Variants in MBOAT1 observed in about 807,000 individuals in gnomAD.
The protein encoded by MBOAT1 is membrane bound glycerophospholipid O-acyltransferase 1, also known as membrane-bound glycerophospholipid O-acyltransferase 1.
Under a neutral mutation model 64.4 loss-of-function variants are expected in MBOAT1, and 67 were observed. That is an observed-to-expected ratio of 1.04 (90% CI 0.85 to 1.27). The LOEUF is 1.27. MBOAT1 is among the 50% of genes most tolerant of loss of function. MBOAT1 has a pLI of 0.00. For missense variants in MBOAT1, 563 were observed against 604.6 expected, an observed-to-expected ratio of 0.93 and a Z score of 0.72; for synonymous variants, 229 against 218.9, an observed-to-expected ratio of 1.05 and a Z score of -0.41.
At chr6:20,120,779 G>T (rs1249895754) in intron 8 of MBOAT1, among the ~76,000 whole-genome samples, 1 of 152,166 alleles carries the variant, frequency 6.6e-6, no homozygotes, top group Non-Finnish European at 1.5e-5. Flanking sequence ...GGAAAATGGT[G>T]AAAGGTTCCC....
intron 6 of MBOAT1, among the ~76,000 whole-genome samples, chr6:20,127,767 C>A (rs539313997): frequency 6.6e-6 from 1 of 152,042 alleles, no homozygotes; most frequent in Non-Finnish European, 1.5e-5. Flanking sequence ...TTATATATTA[C>A]GATGTAATAA....
intron 8 of MBOAT1, among the ~76,000 whole-genome samples, chr6:20,119,351 T>A (rs1760425823): frequency 6.6e-6 from 1 of 152,252 alleles, no homozygotes; most frequent in Non-Finnish European, 1.5e-5. Flanking sequence ...TCACTTTTTT[T>A]ATTATGATGA....
chr6:20,101,472 T>C lies in MBOAT1; in HGVS notation c.*814A>G, dbSNP rs568548028. ...TGAAACCATGATCCCTCTGCCTCCA[T>C]GGTCCTCTGAGTGTAGTTATTATGT... On this transcript the variant is annotated 3_prime_UTR_variant, in exon 13 of 13. Coordinates refer to ENST00000324607, the MANE Select transcript of MBOAT1 (RefSeq NM_001080480.3). Among the ~76,000 whole-genome samples, 1 of 152,332 alleles carries C rather than the reference T, an allele frequency of 6.6e-6. No homozygotes were observed. The highest frequency in any genetic ancestry group is 2.4e-5 in the African/African-American group (1 of 41,586).
intron 3 of MBOAT1, among the ~76,000 whole-genome samples, chr6:20,147,596 G>T (rs112926771): frequency 6.6e-6 from 1 of 150,698 alleles, no homozygotes; most frequent in Admixed American, 6.6e-5. Flanking sequence ...CCAAGATTGC[G>T]CCATCGCACT....
At chr6:20,104,046 T>A (rs183159087) in intron 12 of MBOAT1, among the ~76,000 whole-genome samples, 29 of 152,340 alleles carry the variant, frequency 1.9e-4, no homozygotes, top group Admixed American at 8.5e-4. Flanking sequence ...GTACCTTCTC[T>A]ATGTTTAGAT....
At chr6:20,105,893 T>C (rs955975942) in intron 12 of MBOAT1, among the ~76,000 whole-genome samples, 3 of 152,386 alleles carry the variant, frequency 2.0e-5, no homozygotes, top group Non-Finnish European at 4.4e-5. Context: ...AATGATTTCA[T>C]AGAAAGGTTC....
chr6:20,136,090 A>G (rs1438211224), intron 4 of MBOAT1, among the ~76,000 whole-genome samples: 1 of 152,116 alleles, frequency 6.6e-6, no homozygotes, highest in Non-Finnish European at 1.5e-5. Flanking sequence ...CTTCAGTGGA[A>G]TGCTCCCAAT....
intron 3 of MBOAT1, among the ~76,000 whole-genome samples, chr6:20,145,232 T>G: frequency 2.6e-5 from 1 of 39,018 alleles, no homozygotes; most frequent in South Asian, 9.7e-4. Flanking sequence ...CAGAGAGCAC[T>G]CACTTTGTGC....
At chr6:20,126,496 C>T in intron 7 of MBOAT1, 21 bp downstream of exon 7, 1 of 1,597,232 alleles carries the variant, frequency 6.3e-7, no homozygotes, top group East Asian at 2.2e-5. Flanking sequence ...AAACCCTATT[C>T]TCTAGACACT....
chr6:20,132,294 C>T (rs1760853865), intron 4 of MBOAT1, among the ~76,000 whole-genome samples: 1 of 152,200 alleles, frequency 6.6e-6, no homozygotes, highest in African/African-American at 2.4e-5. Flanking sequence ...TAGACAGATA[C>T]ACGGGCTCCT....
At chr6:20,120,397 T>A (rs536008714) in intron 8 of MBOAT1, among the ~76,000 whole-genome samples, 1 of 152,258 alleles carries the variant, frequency 6.6e-6, no homozygotes, top group Admixed American at 6.5e-5. Flanking sequence ...GCTAGAGATA[T>A]TAGGTAACCA....
intron 7 of MBOAT1, among the ~76,000 whole-genome samples, chr6:20,126,268 A>G (rs1400317556): frequency 1.3e-5 from 2 of 152,242 alleles, no homozygotes; most frequent in Non-Finnish European, 2.9e-5. Flanking sequence ...GACACCTTGT[A>G]TGCACTAAAT....
intron 12 of MBOAT1, among the ~76,000 whole-genome samples, chr6:20,109,096 T>C (rs1760042931): frequency 6.6e-6 from 1 of 152,296 alleles, no homozygotes; most frequent in South Asian, 2.1e-4. Context: ...CAATTCCACA[T>C]ATACCCCTCC....
intron 1 of MBOAT1, among the ~76,000 whole-genome samples, chr6:20,201,855 T>C (rs550767587): frequency 3.9e-5 from 6 of 152,196 alleles, no homozygotes. Flanking sequence ...GTGCTAGGAT[T>C]ACAGAGCTGA....
chr6:20,109,009 G>A (rs1218251682), intron 12 of MBOAT1, among the ~76,000 whole-genome samples: 1 of 152,336 alleles, frequency 6.6e-6, no homozygotes, highest in South Asian at 2.1e-4. Flanking sequence ...GCAATTAGAG[G>A]TTTGCAGTTC....
intron 1 of MBOAT1, among the ~76,000 whole-genome samples, chr6:20,201,826 C>A (rs1242162935): frequency 2.0e-5 from 3 of 152,002 alleles, no homozygotes; most frequent in African/African-American, 7.3e-5. Flanking sequence ...AAGTGATCCA[C>A]CCACCGTGGC....
chr6:20,152,902 G>A (rs756299931), intron 1 of MBOAT1, 133 bp from the exon 2 acceptor site: 11 of 912,306 alleles, frequency 1.2e-5, no homozygotes, highest in East Asian at 3.2e-5. Context: ...GCGCAAACTC[G>A]GCTCACTGCA....
At chr6:20,168,494 AG>A (rs1377981955) in intron 1 of MBOAT1, among the ~76,000 whole-genome samples, 10 of 130,188 alleles carry the variant, frequency 7.7e-5, no homozygotes, top group Non-Finnish European at 1.4e-4. Context: ...ACAGAGACAG[AG>A]AGAGAGAGAG....
At chr6:20,103,419 TTTTGTTTG>T (rs150927645) in intron 12 of MBOAT1, among the ~76,000 whole-genome samples, 3 of 152,010 alleles carry the variant, frequency 2.0e-5, no homozygotes, top group Admixed American at 6.5e-5. Flanking sequence ...TGTTTTGGTT[TTTTGTTTG>T]TTTGTTTGTT....
Sources: allele counts gnomAD v4.1 joint callset (sites outside exome capture counted in the v4.1 genomes callset), GRCh38; gene constraint gnomAD v4.1.1; transcripts MANE v1.5; gene names NCBI Gene and HGNC (gene_info 2026-07-23, HGNC 2026-07-21).